DENND10: variants seen among roughly 807,000 people sequenced by gnomAD.
DENND10 encodes the protein DENN domain containing 10, also known as DENN domain-containing protein 10.
A neutral mutation model predicts 43.6 loss-of-function variants in DENND10; 24 were observed. The ratio of observed to expected loss-of-function variants is 0.55; its 90% CI spans 0.40 to 0.77. The LOEUF is 0.77. Ranked by LOEUF, DENND10 falls within the 30% of genes least tolerant of loss-of-function variation. DENND10 has a pLI of 0.00. For missense variants in DENND10, 303 were observed against 429.9 expected, an observed-to-expected ratio of 0.70 and a Z score of 2.61; for synonymous variants, 125 against 157.6, an observed-to-expected ratio of 0.79 and a Z score of 1.55.
At chr10:119,130,010 CT>C (rs1846010265) in intron 7 of DENND10, among the ~76,000 whole-genome samples, 1 of 151,174 alleles carries the variant, frequency 6.6e-6, no homozygotes, top group Non-Finnish European at 1.5e-5. Context: ...TTCTTTTCTT[CT>C]TCTTTTTTTT....
chr10:119,113,277 A>G (rs1845068038), intron 3 of DENND10, among the ~76,000 whole-genome samples: 1 of 146,530 alleles, frequency 6.8e-6, no homozygotes, highest in South Asian at 2.2e-4. Flanking sequence ...GTAACCTTGA[A>G]CTCCTGGGCT....
intron 2 of DENND10, among the ~76,000 whole-genome samples, chr10:119,109,131 T>A: frequency 6.7e-6 from 1 of 150,338 alleles, no homozygotes. Flanking sequence ...CAGGAGAATC[T>A]CTTGAACCCG....
At chr10:119,130,163 C>T (rs1846017090) in intron 7 of DENND10, among the ~76,000 whole-genome samples, 1 of 151,690 alleles carries the variant, frequency 6.6e-6, no homozygotes, top group African/African-American at 2.4e-5. Flanking sequence ...CACCACCATG[C>T]TCAGCTAATT....
rs551936154 is a variant in DENND10 at position 119,132,939 on chromosome 10, G to A, written c.897+330G>A. 48 of 295,230 alleles carry A rather than the reference G, an allele frequency of 1.6e-4. No individual in the cohort carries two copies. Among genetic ancestry groups the A allele is most frequent in the African/African-American group, 6.4e-4 (30 of 46,584 alleles). The allele number at this position is 295,230 out of a possible 1,614,324, so 18.3% of individuals were successfully genotyped here. On this transcript the variant is annotated intron_variant, in intron 8 of 8. Coordinates refer to ENST00000361432, the MANE Select transcript of DENND10 (RefSeq NM_207009.4). The surrounding 1 kb of genome is among the most constrained non-coding windows in gnomAD (Gnocchi z 4.2). ...TTCTTCCTAGGAGAATTTCCCTGGA[G>A]GAACAAATTATAAAGGGGAGGTTGT...
intron 5 of DENND10, among the ~76,000 whole-genome samples, chr10:119,122,693 A>G (rs1192892765): frequency 1.3e-5 from 2 of 152,190 alleles, no homozygotes; most frequent in African/African-American, 2.4e-5. Context: ...TTATTCTACC[A>G]TAAGTTTTTT....
rs754049920 is a variant in DENND10, at chr10:119,132,569, C to T, written c.857C>T (p.Ser286Phe). The T allele has an allele frequency of 8.1e-6, 13 of 1,614,042 alleles. No individual in the cohort carries two copies. In the South Asian group the frequency reaches 1.3e-4, roughly 16 times the overall value. Residue 286 changes from serine (S) to phenylalanine (F), a missense_variant, in exon 8 of 9, where the codon TCT becomes TTT. By Grantham distance (155) the Ser-to-Phe change is radical. Transcript: ENST00000361432. This position sits in a 1 kb window ranked among gnomAD's most constrained non-coding sequence, Gnocchi z 4.2. ...GAAATGGGTCAGCTAATTGTTCAGT[C>T]TGCAGAAGATCCAGAGAAATCAGAG... ...HKEMGQLIVQSAEDPEKSESH... is the reference protein window; with the variant it reads ...HKEMGQLIVQFAEDPEKSESH...
chr10:119,114,370 A>G (rs544522892), intron 3 of DENND10: 51 of 152,134 alleles, frequency 3.4e-4, no homozygotes, highest in African/African-American at 1.1e-3. Flanking sequence ...GCCTCCCTCC[A>G]TTTCTGGTGA....
chr10:119,108,855 A>G (rs1844830532), intron 2 of DENND10, among the ~76,000 whole-genome samples: 1 of 151,570 alleles, frequency 6.6e-6, no homozygotes, highest in South Asian at 2.1e-4. Context: ...AGGTTTTACC[A>G]TGTTTGCCAG....
intron 6 of DENND10, among the ~76,000 whole-genome samples, chr10:119,128,242 G>A (rs1237860955): frequency 2.6e-5 from 4 of 151,910 alleles, no homozygotes; most frequent in Non-Finnish European, 5.9e-5. Flanking sequence ...GAACCCAGGA[G>A]GTGAAGGTTG....
intron 1 of DENND10, chr10:119,105,511 T>C: frequency 8.5e-7 from 1 of 1,179,008 alleles, no homozygotes; most frequent in Non-Finnish European, 1.1e-6. Flanking sequence ...TTACTGTATT[T>C]ATTTCTAATG....
At chr10:119,117,371 CA>C (rs918376870) in intron 3 of DENND10, 147 bp from the exon 4 acceptor site, 74 of 809,730 alleles carry the variant, frequency 9.1e-5, no homozygotes, top group African/African-American at 1.4e-4. Flanking sequence ...GACTCTGTCT[CA>C]AAAAAAACAG....
At chr10:119,108,621 G>GAGC (rs1435539736) in intron 2 of DENND10, among the ~76,000 whole-genome samples, 2 of 151,934 alleles carry the variant, frequency 1.3e-5, no homozygotes, top group Non-Finnish European at 2.9e-5. Flanking sequence ...ATACAGTGGT[G>GAGC]AGCAGTACAG....
chr10:119,104,227 C>T (rs754654602), intron 1 of DENND10, 30 bp downstream of exon 1: 27 of 1,501,340 alleles, frequency 1.8e-5, no homozygotes, highest in Non-Finnish European at 2.2e-5. Flanking sequence ...GCCTGGAAGC[C>T]CGCACCCTGG....
In DENND10 at chr10:119,104,567, C is replaced by A. The variant is rs1408107056; in HGVS notation, c.55+370C>A. 2.8e-5 allele frequency among the ~76,000 whole-genome samples: 4 copies of A among 143,320 alleles called. No homozygotes were observed. In the South Asian group the frequency reaches 6.6e-4, roughly 24 times the overall value. 94.0% of individuals were successfully genotyped at this position (143,320 alleles called of 152,430 possible). A position where few individuals can be genotyped will look rare whatever the true frequency, so the allele number is the denominator to read the frequency against. The stretch of plus-strand genomic sequence containing the variant: ...GGGCGCTGCGCGGGCGGGGCCGGGC[C>A]GGGCGGGAGCAGCCGGCTGGCGGCG... On this transcript the variant is annotated intron_variant, in intron 1 of 8. Transcript: ENST00000361432.
rs76677082 is a variant in DENND10, at chr10:119,119,967, G to A, written c.482-374G>A. 1.3e-3 allele frequency among the ~76,000 whole-genome samples: 204 copies of A among 152,086 alleles called. 1 individual carries two copies. The highest frequency in any genetic ancestry group is 4.6e-3 in the African/African-American group (190 of 41,494). Reference sequence around the variant, plus strand: ...CTCTGTATTAAAAATAATTTTGTACGTCAGGTGCTGTGACTCACACCTGTA... The same window carrying A: ...CTCTGTATTAAAAATAATTTTGTACATCAGGTGCTGTGACTCACACCTGTA... On this transcript the variant is annotated intron_variant, in intron 4 of 8. Transcript: ENST00000361432.
chr10:119,132,003 C>G lies in DENND10; in HGVS notation c.803-512C>G, dbSNP rs1435665634. 1.3e-5 allele frequency among the ~76,000 whole-genome samples: 2 copies of G among 152,214 alleles called. No homozygotes were observed. The highest frequency in any genetic ancestry group is 2.9e-5 in the Non-Finnish European group (2 of 68,044). On this transcript the variant is annotated intron_variant, in intron 7 of 8. Transcript: ENST00000361432. This position sits in a 1 kb window ranked among gnomAD's most constrained non-coding sequence, Gnocchi z 4.2. ...TTTCTGTTAACCTCCTCAGTGCAGA[C>G]AGTAGCAATGTATGTAACCAGGCTA...
At chr10:119,115,593 T>G (rs936634236) in intron 3 of DENND10, among the ~76,000 whole-genome samples, 3 of 142,280 alleles carry the variant, frequency 2.1e-5, no homozygotes, top group Admixed American at 7.3e-5. Flanking sequence ...GTTTCACCGT[T>G]TTAGCCGGGA....
intron 5 of DENND10, among the ~76,000 whole-genome samples, chr10:119,121,286 T>A (rs940498587): frequency 1.0e-5 from 1 of 97,228 alleles, no homozygotes; most frequent in African/African-American, 4.3e-5. Flanking sequence ...TCCTTTTAAA[T>A]TTTTTTCATT....
chr10:119,133,784 C>T (rs1352350262), intron 8 of DENND10: 1 of 152,314 alleles, frequency 6.6e-6, no homozygotes, highest in East Asian at 1.9e-4. Flanking sequence ...TCTGGGGCCG[C>T]TTCTTTCCTA....
Sources: allele counts gnomAD v4.1 joint callset (sites outside exome capture counted in the v4.1 genomes callset), GRCh38; gene constraint gnomAD v4.1.1; non-coding constraint Gnocchi (gnomAD v3.1); transcripts MANE v1.5; gene names NCBI Gene and HGNC (gene_info 2026-07-23, HGNC 2026-07-21).